The following CLCN4 variants were observed in gnomAD, a reference collection of about 807,000 sequenced individuals.
The protein encoded by CLCN4 is Cl-/H+ antiporter 4, also known as H(+)/Cl(-) exchange transporter 4.
A neutral mutation model predicts 41.7 loss-of-function variants in CLCN4; 1 was observed. The ratio of observed to expected loss-of-function variants is 0.02; its 90% confidence interval spans 0.01 to 0.11. CLCN4 has a LOEUF of 0.11. Among genes scored for constraint, CLCN4 ranks in the 10% least tolerant of loss-of-function variants. CLCN4 has a pLI of 1.00. For synonymous variants in CLCN4, 277 were observed against 285.8 expected (o/e 0.97, Z 0.31); for missense variants, 287 against 661.0 (o/e 0.43, Z 6.20).
At chrX:10,170,821 A>G (rs993974091) in intron 2 of CLCN4, among the ~76,000 whole-genome samples, 5 of 112,739 alleles carry the variant, frequency 4.4e-5, no homozygotes, top group African/African-American at 1.6e-4. Context: ...AAGCCTCAGC[A>G]CAGCTTGGAC....
intron 2 of CLCN4, among the ~76,000 whole-genome samples, chrX:10,178,621 C>T (rs192424275): frequency 8.9e-6 from 1 of 111,993 alleles, no homozygotes; most frequent in African/African-American, 3.2e-5. Flanking sequence ...AGATAACTTG[C>T]TTCCTGGACT....
chrX:10,220,624 T>C lies in CLCN4; in HGVS notation c.1976-37T>C, dbSNP rs192787936. Reference sequence around the variant, plus strand: ...GTGGGGAATTGCTCAGCAAGGGGTTTTTGTGTGGCTCATTGTTCCTGCTCA... The same window carrying C: ...GTGGGGAATTGCTCAGCAAGGGGTTCTTGTGTGGCTCATTGTTCCTGCTCA... On this transcript the variant is annotated intron_variant, in intron 11 of 12. Coordinates refer to ENST00000380833, the MANE Select transcript of CLCN4 (RefSeq NM_001830.4). The C allele has an allele frequency of 1.4e-5, 16 of 1,117,930 alleles. No individual in the cohort carries two copies. The Admixed American group carries it at 3.5e-4, about 25-fold the overall frequency. 92.1% of individuals were successfully genotyped at this position (1,117,930 alleles called of 1,213,427 possible).
In CLCN4 at chrX:10,205,201, C is replaced by T. The variant is rs193036953; in HGVS notation, c.556-1157C>T. ...TTTAAGAAACAAAATGGGCCAGTTG[C>T]GGTGGCTCATGCCTGTAATCCCAGC... On this transcript the variant is annotated intron_variant, in intron 6 of 12. Coordinates refer to ENST00000380833, the MANE Select transcript of CLCN4 (RefSeq NM_001830.4). Among the ~76,000 whole-genome samples the T allele has an allele frequency of 4.4e-3, 492 of 111,488 alleles. 3 individuals are homozygous for T. The highest frequency in any genetic ancestry group is 0.018 in the Middle Eastern group (4 of 217).
intron 12 of CLCN4, among the ~76,000 whole-genome samples, chrX:10,227,671 C>T (rs1925022395): frequency 9.0e-6 from 1 of 111,703 alleles, no homozygotes; most frequent in African/African-American, 3.3e-5. Flanking sequence ...CCTCCTATAC[C>T]ACAGTCCTTG....
intron 9 of CLCN4, among the ~76,000 whole-genome samples, chrX:10,210,702 C>CTGGAGTGCA (rs1471672410): frequency 1.1e-5 from 1 of 90,022 alleles, no homozygotes; most frequent in African/African-American, 4.4e-5. Flanking sequence ...GTTGTCCAGG[C>CTGGAGTGCA]TGGAGTGCAG....
intron 2 of CLCN4, among the ~76,000 whole-genome samples, chrX:10,163,697 C>T (rs1923170902): frequency 8.9e-6 from 1 of 112,350 alleles, no homozygotes; most frequent in Non-Finnish European, 1.9e-5. Flanking sequence ...TGAGCCACTG[C>T]TCCCGGCCCC....
intron 11 of CLCN4, among the ~76,000 whole-genome samples, chrX:10,217,070 T>A (rs184493116): frequency 9.5e-6 from 1 of 105,214 alleles, no homozygotes; most frequent in Non-Finnish European, 2.0e-5. Context: ...CATTTTAACC[T>A]ATCTCATTAA....
chrX:10,163,955 G>A (rs558726848), intron 2 of CLCN4, among the ~76,000 whole-genome samples: 11 of 112,789 alleles, frequency 9.8e-5, no homozygotes, highest in Middle Eastern at 4.6e-3. Context: ...GGTCAGTATT[G>A]CCCCCAGTTG....
At chrX:10,172,106 A>G (rs1367644068) in intron 2 of CLCN4, among the ~76,000 whole-genome samples, 2 of 112,212 alleles carry the variant, frequency 1.8e-5, no homozygotes, top group Non-Finnish European at 3.8e-5. Context: ...AGGCCTTTCT[A>G]AGGAGAGCAG....
At chrX:10,192,464 G>A (rs1433508099) in intron 4 of CLCN4, among the ~76,000 whole-genome samples, 1 of 111,152 alleles carries the variant, frequency 9.0e-6, no homozygotes, top group Non-Finnish European at 1.9e-5. Flanking sequence ...TGGGAGGGGA[G>A]GGCAGTGCTT....
At chrX:10,191,117 G>A (rs1039522109) in intron 4 of CLCN4, among the ~76,000 whole-genome samples, 2 of 111,304 alleles carry the variant, frequency 1.8e-5, no homozygotes, top group African/African-American at 6.5e-5. Context: ...AACCATCACC[G>A]TGGTCGATTT....
At chrX:10,186,637 G>A (rs763498308) in intron 3 of CLCN4, among the ~76,000 whole-genome samples, 1 of 111,694 alleles carries the variant, frequency 9.0e-6, no homozygotes, top group African/African-American at 3.3e-5. Flanking sequence ...AGGGGAATGT[G>A]TAGGGAGCCA....
chrX:10,160,651 T>C (rs1923070069), intron 2 of CLCN4, among the ~76,000 whole-genome samples: 1 of 111,463 alleles, frequency 9.0e-6, no homozygotes, highest in South Asian at 3.7e-4. Flanking sequence ...GTGGGGGACG[T>C]GGTGAGGACG....
At chrX:10,183,919 C>A (rs1923745921) in intron 2 of CLCN4, among the ~76,000 whole-genome samples, 1 of 112,646 alleles carries the variant, frequency 8.9e-6, no homozygotes, top group African/African-American at 3.2e-5. Context: ...ACCAGCTTCT[C>A]ATGGCTCTTG....
In CLCN4 at chrX:10,178,619, T is replaced by G. The variant is rs73632637; in HGVS notation, c.-11-6403T>G. The stretch of plus-strand genomic sequence containing the variant: ...ATAAACTAAAAGATCCTAGATAACT[T>G]GCTTCCTGGACTTTTCCTGTGATTA... On this transcript the variant is annotated intron_variant, in intron 2 of 12. Coordinates refer to ENST00000380833, the MANE Select transcript of CLCN4 (RefSeq NM_001830.4). 3.4e-3 allele frequency among the ~76,000 whole-genome samples: 380 copies of G among 112,048 alleles called. 1 individual carries two copies. Among genetic ancestry groups the G allele is most frequent in the African/African-American group, 0.012 (368 of 30,807 alleles).
rs1227670598 is a variant in CLCN4 at position 10,201,190 on chromosome X, GGAGGAAGGTTCGACTGGGGAGGCAAACA to G, written c.555+3130_555+3157del. On this transcript the variant is annotated intron_variant, in intron 6 of 12. Transcript: ENST00000380833. ...AAATGGTAGGAAGTGGTGAGGGGAA[GGAGGAAGGTTCGACTGGGGAGGCAAACA>G]CGAGGTAGCCACTCTTCTGTTTCTT... Among the ~76,000 whole-genome samples the G allele has an allele frequency of 3.2e-4, 36 of 111,990 alleles. 1 individual carries two copies. The highest frequency in any genetic ancestry group is 1.2e-3 in the African/African-American group (36 of 30,759).
At position 10,208,028 on chromosome X, in the gene CLCN4, C is replaced by T; in HGVS notation, c.844-17C>T. 8.4e-7 allele frequency: 1 copy of T among 1,186,607 alleles called. No individual in the cohort carries two copies. ...CTTTCTCCGGCCAGTCTTTAATTTT[C>T]CACTTTTTCATCTCAGGTCAGTTAC... On this transcript the variant is annotated splice_polypyrimidine_tract_variant and intron_variant, in intron 8 of 12. Coordinates refer to ENST00000380833, the MANE Select transcript of CLCN4 (RefSeq NM_001830.4).
intron 4 of CLCN4, 28 bp downstream of exon 4, chrX:10,187,642 G>A (rs763491779): frequency 1.1e-5 from 12 of 1,108,437 alleles, no homozygotes; most frequent in East Asian, 3.0e-5. Flanking sequence ...CGGCACTCCC[G>A]TGGGAAGCTG....
At chrX:10,188,801 G>T (rs958158184) in intron 4 of CLCN4, among the ~76,000 whole-genome samples, 1 of 112,165 alleles carries the variant, frequency 8.9e-6, no homozygotes, top group African/African-American at 3.2e-5. Flanking sequence ...GATTCCAGGG[G>T]CTTTCAGTTT....
Sources: allele counts gnomAD v4.1 joint callset (sites outside exome capture counted in the v4.1 genomes callset), GRCh38; gene constraint gnomAD v4.1.1; transcripts MANE v1.5; gene names NCBI Gene and HGNC (gene_info 2026-07-23, HGNC 2026-07-21).